The following TPRG1 variants were observed in gnomAD, a reference collection of about 807,000 sequenced individuals.
The protein encoded by TPRG1 is tumor protein p63 regulated 1.
Under a neutral mutation model 29.3 loss-of-function variants are expected in TPRG1, and 29 were observed. That is an observed-to-expected ratio of 0.99 (90% CI 0.74 to 1.35). The LOEUF is 1.35. TPRG1 is among the 40% of genes most tolerant of loss of function. The pLI, the probability that TPRG1 is intolerant of heterozygous loss-of-function variation, is 0.00. For missense variants in TPRG1, 327 were observed against 335.0 expected (o/e 0.98, Z 0.19); for synonymous variants, 130 against 116.8 (o/e 1.11, Z -0.73).
In TPRG1 at chr3:189,056,077, C is replaced by A. The variant is rs543364535; in HGVS notation, c.-463+32131C>A. 4.4e-5 allele frequency among the ~76,000 whole-genome samples: 6 copies of A among 135,340 alleles called. No homozygotes were observed. The East Asian group carries it at 1.4e-3, about 32-fold the overall frequency. The allele number at this position is 135,340 out of a possible 152,430, so 88.8% of individuals were successfully genotyped here. ...CCTTCCTTCCTTCCTTCCTTCCTTC[C>A]TTCCTTCCTTCCTTCCTTCCTTCCC... On this transcript the variant is annotated intron_variant, in intron 4 of 10. Transcript: ENST00000433971.
intron 5 of TPRG1, among the ~76,000 whole-genome samples, chr3:189,316,096 A>G (rs1723474251): frequency 6.6e-6 from 1 of 152,200 alleles, no homozygotes; most frequent in Non-Finnish European, 1.5e-5. Context: ...AGCTAAGTTT[A>G]AAGTGCACTT....
In TPRG1 at chr3:189,266,416, A is replaced by G. The variant is rs1380417294; in HGVS notation, c.479+27507A>G. Among the ~76,000 whole-genome samples the G allele has an allele frequency of 2.6e-5, 4 of 152,234 alleles. No individual in the cohort carries two copies. In the East Asian group the frequency reaches 5.8e-4, roughly 22 times the overall value. Reference sequence around the variant, plus strand: ...CTACAGTCTGTACTGTAAGTTCAACAGAAAAGGAGTGTTCATCATTCACTC... The same window carrying G: ...CTACAGTCTGTACTGTAAGTTCAACGGAAAAGGAGTGTTCATCATTCACTC... On this transcript the variant is annotated intron_variant, in intron 4 of 5. Transcript: ENST00000345063.
chr3:189,189,570 CT>C (rs974015155), intron 1 of TPRG1, among the ~76,000 whole-genome samples: 1 of 152,160 alleles, frequency 6.6e-6, no homozygotes, highest in African/African-American at 2.4e-5. Context: ...TGATTCCTCT[CT>C]TTTCACATGT....
intron 4 of TPRG1, 102 bp from the exon 5 acceptor site, chr3:189,310,284 C>T (rs1722274416): frequency 1.0e-6 from 1 of 984,632 alleles, no homozygotes; most frequent in Non-Finnish European, 1.4e-6. Context: ...AACAGTTTAA[C>T]TAGTTGGGAG....
At chr3:189,097,124 CT>C (rs1479639896), upstream of TPRG1, among the ~76,000 whole-genome samples, 2 of 152,222 alleles carry the variant, frequency 1.3e-5, no homozygotes, top group African/African-American at 4.8e-5. Flanking sequence ...TTCTACCAGT[CT>C]TTCAAATGTT....
chr3:189,023,181 C>T (rs893693079), intron 3 of TPRG1, among the ~76,000 whole-genome samples: 1 of 152,208 alleles, frequency 6.6e-6, no homozygotes, highest in South Asian at 2.1e-4. Flanking sequence ...CAGAAATCAC[C>T]CGTCTTCTGC....
intron 4 of TPRG1, among the ~76,000 whole-genome samples, chr3:189,244,656 T>C (rs1312033719): frequency 1.3e-5 from 2 of 152,094 alleles, no homozygotes; most frequent in Non-Finnish European, 2.9e-5. Context: ...ACCAAGAGGA[T>C]GGCATTAAAC....
At chr3:189,273,358 C>G (rs1411939416) in intron 4 of TPRG1, among the ~76,000 whole-genome samples, 2 of 152,106 alleles carry the variant, frequency 1.3e-5, no homozygotes, top group Non-Finnish European at 2.9e-5. Flanking sequence ...TGTGGCCATG[C>G]AGAGAAATGC....
At chr3:189,006,769 C>T (rs1256107076) in intron 3 of TPRG1, among the ~76,000 whole-genome samples, 4 of 152,042 alleles carry the variant, frequency 2.6e-5, no homozygotes, top group Non-Finnish European at 5.9e-5. Flanking sequence ...CAGGGGTGAG[C>T]AAACTTTAGC....
intron 1 of TPRG1, among the ~76,000 whole-genome samples, chr3:189,103,923 G>A (rs931744275): frequency 3.2e-4 from 48 of 152,148 alleles, no homozygotes; most frequent in Non-Finnish European, 4.4e-5. Context: ...TCATTGATGA[G>A]CCTTTATCCT....
intron 4 of TPRG1, among the ~76,000 whole-genome samples, chr3:189,062,005 T>A (rs907614819): frequency 1.2e-4 from 19 of 152,208 alleles, no homozygotes; most frequent in African/African-American, 4.6e-4. Flanking sequence ...ACTGCAGCAC[T>A]ATTCACAATA....
At chr3:189,038,395 A>G (rs571984775) in intron 4 of TPRG1, among the ~76,000 whole-genome samples, 108 of 152,262 alleles carry the variant, frequency 7.1e-4, no homozygotes, top group Non-Finnish European at 1.2e-3. Context: ...TAATAAATCA[A>G]TGGAGGAAAG....
At chr3:189,187,843 T>C (rs1460715551) in intron 1 of TPRG1, among the ~76,000 whole-genome samples, 1 of 152,250 alleles carries the variant, frequency 6.6e-6, no homozygotes, top group East Asian at 1.9e-4. Context: ...TCTGAATTGC[T>C]TCTTACCCAT....
chr3:189,029,652 C>G (rs1713834675), intron 4 of TPRG1, among the ~76,000 whole-genome samples: 1 of 152,052 alleles, frequency 6.6e-6, no homozygotes, highest in African/African-American at 2.4e-5. Context: ...GGGTGTTTGT[C>G]CACCCAAACC....
At chr3:189,173,711 A>T (rs148954416) in intron 1 of TPRG1, among the ~76,000 whole-genome samples, 1 of 152,036 alleles carries the variant, frequency 6.6e-6, no homozygotes, top group Admixed American at 6.6e-5. Flanking sequence ...CAAGTCACAT[A>T]TGGGTCTCTT....
intron 2 of TPRG1, among the ~76,000 whole-genome samples, chr3:189,208,399 A>G (rs563457249): frequency 3.3e-4 from 50 of 152,262 alleles, no homozygotes; most frequent in African/African-American, 1.2e-3. Flanking sequence ...TCTCATTTTC[A>G]TGTGTACGTG....
intron 3 of TPRG1, among the ~76,000 whole-genome samples, chr3:189,228,313 G>A (rs1578925367): frequency 6.6e-6 from 1 of 151,786 alleles, no homozygotes; most frequent in Admixed American, 6.6e-5. Context: ...ACCAAAGACA[G>A]TACAAAAATA....
At chr3:189,078,495 G>C (rs775273466) in intron 4 of TPRG1, among the ~76,000 whole-genome samples, 2 of 152,130 alleles carry the variant, frequency 1.3e-5, no homozygotes, top group African/African-American at 2.4e-5. Context: ...GATGCAGTCT[G>C]TATTTCTTAT....
At position 189,041,260 on chromosome 3, in the gene TPRG1, G is replaced by T. The variant is rs570584566; in HGVS notation, c.-463+17314G>T. ...ATTTCATAAGCTGGATTCTCATGTA[G>T]CATGGTCATTGCATTCCTTAAACTC... On this transcript the variant is annotated intron_variant, in intron 4 of 10. Transcript: ENST00000433971. Among the ~76,000 whole-genome samples, 123 of 152,274 alleles carry T rather than the reference G, an allele frequency of 8.1e-4. No homozygotes were observed. In the Middle Eastern group the frequency reaches 0.017, roughly 21 times the overall value.
Sources: gnomAD v4.1 joint callset for allele counts (sites outside exome capture counted in the v4.1 genomes callset) on GRCh38, gnomAD v4.1.1 for gene constraint, MANE v1.5 for transcripts, NCBI Gene and HGNC (gene_info 2026-07-23, HGNC 2026-07-21) for gene names.